The following CACNA2D3 variants were observed in gnomAD, a reference collection of about 807,000 sequenced individuals.
CACNA2D3 encodes the protein voltage-dependent calcium channel subunit alpha-2/delta-3.
Under a neutral mutation model 160.6 loss-of-function variants are expected in CACNA2D3, and 60 were observed. The observed-to-expected ratio is 0.37, with a 90% confidence interval of 0.30 to 0.46. The LOEUF (loss-of-function observed/expected upper bound fraction) is 0.46. Ranked by LOEUF, CACNA2D3 falls within the 20% of genes least tolerant of loss-of-function variation. The pLI, the probability that CACNA2D3 is intolerant of heterozygous loss-of-function variation, is 1.00. For synonymous variants in CACNA2D3, 558 were observed against 492.9 expected (o/e 1.13, Z -1.75); for missense variants, 1,205 against 1,365.0 (o/e 0.88, Z 1.85).
chr3:54,946,242 A>G (rs1701610328), intron 27 of CACNA2D3, among the ~76,000 whole-genome samples: 1 of 152,142 alleles, frequency 6.6e-6, no homozygotes, highest in Non-Finnish European at 1.5e-5. Flanking sequence ...CTGCAGGTTA[A>G]AAACCATTTC....
chr3:54,307,849 C>T (rs1013702210), intron 2 of CACNA2D3, among the ~76,000 whole-genome samples: 3 of 152,084 alleles, frequency 2.0e-5, no homozygotes, highest in Admixed American at 6.5e-5. Flanking sequence ...ACTTTTGTGG[C>T]GCCTGGGCAA....
At chr3:54,808,905 G>A (rs927806532) in intron 13 of CACNA2D3, among the ~76,000 whole-genome samples, 1 of 152,156 alleles carries the variant, frequency 6.6e-6, no homozygotes, top group Non-Finnish European at 1.5e-5. Context: ...TCGGATTGGA[G>A]CCAGCCCTAA....
chr3:55,055,538 G>A (rs983496445), intron 35 of CACNA2D3, among the ~76,000 whole-genome samples: 1 of 151,924 alleles, frequency 6.6e-6, no homozygotes, highest in Admixed American at 6.6e-5. Flanking sequence ...AGGGACTTGT[G>A]GTGATTTCTC....
chr3:54,337,905 G>T lies in CACNA2D3; in HGVS notation c.321+17347G>T, dbSNP rs142230988. Among the ~76,000 whole-genome samples the T allele has an allele frequency of 2.5e-3, 375 of 152,300 alleles. 4 individuals carry two copies. The highest frequency in any genetic ancestry group is 8.5e-3 in the African/African-American group (353 of 41,562). The stretch of plus-strand genomic sequence containing the variant: ...TTATAGGTTATTTCATTGTCCACAG[G>T]GGTAGATCAAGCCATGGACACCCCT... On this transcript the variant is annotated intron_variant, in intron 3 of 37. Transcript: ENST00000474759.
chr3:54,524,908 T>C lies in CACNA2D3; in HGVS notation c.544+21254T>C, dbSNP rs984370949. Among the ~76,000 whole-genome samples the C allele has an allele frequency of 1.7e-4, 26 of 152,270 alleles. 1 individual carries two copies. Among genetic ancestry groups the C allele is most frequent in the Non-Finnish European group, 2.5e-4 (17 of 67,972 alleles). On this transcript the variant is annotated intron_variant, in intron 5 of 37. Coordinates refer to ENST00000474759, the MANE Select transcript of CACNA2D3 (RefSeq NM_018398.3). ...CTTTGAATCTAAAGTGTTTCTCTTA[T>C]AGATAACATGTACTTGGTGCATTTT...
rs542418818 is a variant in CACNA2D3 at position 54,820,938 on chromosome 3, T to A, written c.1398+4068T>A. On this transcript the variant is annotated intron_variant, in intron 14 of 37. Coordinates refer to ENST00000474759, the MANE Select transcript of CACNA2D3 (RefSeq NM_018398.3). The stretch of plus-strand genomic sequence containing the variant: ...GTCTATAGGAGCTAAACATCAGTTA[T>A]TCACTGCAGGATTAATTTAATCAAT... 1.2e-4 allele frequency among the ~76,000 whole-genome samples: 18 copies of A among 152,300 alleles called. 1 individual carries two copies. The South Asian group carries it at 3.7e-3, about 32-fold the overall frequency.
At chr3:54,410,111 G>T (rs189596330) in intron 4 of CACNA2D3, among the ~76,000 whole-genome samples, 1 of 152,256 alleles carries the variant, frequency 6.6e-6, no homozygotes, top group Non-Finnish European at 1.5e-5. Context: ...AGCACTTTGG[G>T]AGGCGAAGGT....
chr3:54,376,709 G>A lies in CACNA2D3; in HGVS notation c.322-10006G>A, dbSNP rs144034096. 4.9e-4 allele frequency among the ~76,000 whole-genome samples: 75 copies of A among 152,272 alleles called. 1 individual carries two copies. Among genetic ancestry groups the A allele is most frequent in the Non-Finnish European group, 2.6e-4 (18 of 68,030 alleles). Reference sequence around the variant, plus strand: ...TAATTAATCATCATCATCAGCAGCAGCAGCAAGATAACATTAGTGGACATT... The same window carrying A: ...TAATTAATCATCATCATCAGCAGCAACAGCAAGATAACATTAGTGGACATT... On this transcript the variant is annotated intron_variant, in intron 3 of 37. Transcript: ENST00000474759.
chr3:54,854,860 CAGA>C (rs1699132480), intron 17 of CACNA2D3, among the ~76,000 whole-genome samples: 1 of 152,174 alleles, frequency 6.6e-6, no homozygotes, highest in Admixed American at 6.5e-5. Context: ...GGTCAGTCTT[CAGA>C]AGAAAAACCA....
At chr3:54,414,131 A>G (rs1699716841) in intron 4 of CACNA2D3, among the ~76,000 whole-genome samples, 1 of 152,006 alleles carries the variant, frequency 6.6e-6, no homozygotes. Context: ...GGAGAGAATG[A>G]TATACTACAT....
intron 11 of CACNA2D3, among the ~76,000 whole-genome samples, chr3:54,669,649 G>T (rs1241518745): frequency 6.6e-6 from 1 of 152,124 alleles, no homozygotes; most frequent in Non-Finnish European, 1.5e-5. Context: ...TGCAAAGAGT[G>T]CTAGACACTA....
chr3:54,591,485 A>G lies in CACNA2D3; in HGVS notation c.963+9608A>G, dbSNP rs1459233467. ...CTGGGCAACCATGCCAGTGCCTATG[A>G]GATAGATGTTCCATAGAAGCATGAA... On this transcript the variant is annotated intron_variant, in intron 9 of 37. Coordinates refer to ENST00000474759, the MANE Select transcript of CACNA2D3 (RefSeq NM_018398.3). 2.0e-5 allele frequency among the ~76,000 whole-genome samples: 3 copies of G among 151,562 alleles called. No individual in the cohort carries two copies. In the East Asian group the frequency reaches 5.9e-4, roughly 30 times the overall value.
Position 54,512,665 on chromosome 3 carries a change from C to T in CACNA2D3, c.544+9011C>T, listed in dbSNP as rs145229741. ...GGTGGCTCAGTCTTTGATACCTGCACCTGCTCTCCACCCACCTGCTCATGA... is the reference window on the plus strand; with the variant it reads ...GGTGGCTCAGTCTTTGATACCTGCATCTGCTCTCCACCCACCTGCTCATGA... On this transcript the variant is annotated intron_variant, in intron 5 of 37. Transcript: ENST00000474759. 1.3e-3 allele frequency among the ~76,000 whole-genome samples: 196 copies of T among 152,276 alleles called. 2 individuals are homozygous for T. Among genetic ancestry groups the T allele is most frequent in the African/African-American group, 4.4e-3 (182 of 41,552 alleles).
chr3:54,425,680 A>C (rs974037957), intron 4 of CACNA2D3, among the ~76,000 whole-genome samples: 3 of 152,186 alleles, frequency 2.0e-5, no homozygotes, highest in African/African-American at 7.2e-5. Flanking sequence ...CCTCTCTCTC[A>C]TGATCACTTT....
intron 11 of CACNA2D3, among the ~76,000 whole-genome samples, chr3:54,719,267 T>C (rs1701125062): frequency 6.6e-6 from 1 of 151,852 alleles, no homozygotes; most frequent in Non-Finnish European, 1.5e-5. Context: ...TGAATGCTTT[T>C]ACTAGTTTTA....
intron 2 of CACNA2D3, among the ~76,000 whole-genome samples, chr3:54,278,154 AC>A (rs1559905660): frequency 2.0e-5 from 3 of 152,248 alleles, no homozygotes; most frequent in African/African-American, 7.2e-5. Flanking sequence ...CTAGAAAAAA[AC>A]AACCCCATCA....
chr3:55,044,808 T>C (rs1422915651), intron 35 of CACNA2D3, among the ~76,000 whole-genome samples: 2 of 152,178 alleles, frequency 1.3e-5, no homozygotes, highest in African/African-American at 4.8e-5. Context: ...TTTCTTGAGA[T>C]TTATTTCTCT....
chr3:54,584,335 G>T (rs768799732), intron 9 of CACNA2D3, among the ~76,000 whole-genome samples: 2 of 152,150 alleles, frequency 1.3e-5, no homozygotes, highest in Non-Finnish European at 2.9e-5. Context: ...CAAAGGAATA[G>T]AAGTTATAAA....
chr3:55,011,758 C>T (rs187727374), intron 34 of CACNA2D3, among the ~76,000 whole-genome samples: 200 of 151,962 alleles, frequency 1.3e-3, no homozygotes, highest in African/African-American at 4.5e-3. Context: ...TATCATGTCC[C>T]CGAAAGGAAA....
Sources: gnomAD v4.1 joint callset for allele counts (sites outside exome capture counted in the v4.1 genomes callset) on GRCh38, gnomAD v4.1.1 for gene constraint, MANE v1.5 for transcripts, NCBI Gene and HGNC (gene_info 2026-07-23, HGNC 2026-07-21) for gene names.